RGS6: variants seen among roughly 807,000 people sequenced by gnomAD.
RGS6 encodes the protein regulator of G-protein signaling 6.
RGS6 carries 30 observed loss-of-function variants against 78.5 expected under a neutral mutation model. The ratio of observed to expected loss-of-function variants is 0.38; its 90% confidence interval spans 0.29 to 0.52. The LOEUF (loss-of-function observed/expected upper bound fraction) is 0.52, where lower values mean the gene tolerates loss of function less well. RGS6 is among the 20% of genes least tolerant of loss of function. The pLI is 0.85. For missense variants in RGS6, 495 were observed against 609.7 expected, an observed-to-expected ratio of 0.81 and a Z score of 1.98; for synonymous variants, 206 against 206.0, an observed-to-expected ratio of 1.00 and a Z score of 0.00.
chr14:72,583,943 T>C, the RGS6 span, among the ~76,000 whole-genome samples: 4 of 152,192 alleles, frequency 2.6e-5, no homozygotes, highest in Non-Finnish European at 5.9e-5. Context: ...CACCCTCTGC[T>C]AATCACCACC....
intron 2 of RGS6, among the ~76,000 whole-genome samples, chr14:72,089,930 C>T (rs952063052): frequency 1.3e-4 from 20 of 152,030 alleles, no homozygotes; most frequent in African/African-American, 4.6e-4. Flanking sequence ...AGTGGGCTGA[C>T]AGGAAGGGAG....
At chr14:72,522,457 G>T (rs369929724) in intron 15 of RGS6, among the ~76,000 whole-genome samples, 33 of 152,142 alleles carry the variant, frequency 2.2e-4, no homozygotes, top group East Asian at 7.7e-4. Context: ...CCTAAAACAG[G>T]GGTCAGTTAA....
At chr14:72,355,580 G>A (rs997976973) in intron 3 of RGS6, among the ~76,000 whole-genome samples, 6 of 152,108 alleles carry the variant, frequency 3.9e-5, no homozygotes, top group Non-Finnish European at 7.4e-5. Context: ...AGAAGTAAAT[G>A]AAACAGATAA....
chr14:71,937,462 C>G (rs2089668878), intron 1 of RGS6, among the ~76,000 whole-genome samples: 1 of 152,152 alleles, frequency 6.6e-6, no homozygotes, highest in Admixed American at 6.5e-5. Context: ...GATGCTGATT[C>G]AGAGCATACA....
At chr14:72,020,569 C>T (rs2153271955) in intron 2 of RGS6, among the ~76,000 whole-genome samples, 1 of 152,136 alleles carries the variant, frequency 6.6e-6, no homozygotes, top group South Asian at 2.1e-4. Context: ...AATTCTTCTT[C>T]TTCCTGATGA....
the RGS6 span, among the ~76,000 whole-genome samples, chr14:71,895,998 C>T: frequency 1.3e-5 from 2 of 152,006 alleles, no homozygotes; most frequent in African/African-American, 2.4e-5. Flanking sequence ...GCTGGAAGGC[C>T]AGGGAGCCCA....
At chr14:72,028,306 T>C (rs907791870) in intron 2 of RGS6, among the ~76,000 whole-genome samples, 2 of 152,216 alleles carry the variant, frequency 1.3e-5, no homozygotes, top group Admixed American at 6.5e-5. Flanking sequence ...TCTCCTTAGA[T>C]TGGCAGCTGT....
At chr14:72,465,965 C>T (rs1456328414) in intron 7 of RGS6, 143 bp downstream of exon 7, 4 of 604,714 alleles carry the variant, frequency 6.6e-6, no homozygotes, top group African/African-American at 3.8e-5. Flanking sequence ...ATTTCTCCTC[C>T]CTTGTTCTCA....
chr14:72,059,710 T>A (rs1215529763), intron 2 of RGS6, among the ~76,000 whole-genome samples: 6 of 152,172 alleles, frequency 3.9e-5, no homozygotes, highest in African/African-American at 1.4e-4. Flanking sequence ...AAGGTTAGAT[T>A]AGCTCATGAT....
chr14:72,237,631 G>A (rs1245395470), intron 2 of RGS6, among the ~76,000 whole-genome samples: 1 of 152,144 alleles, frequency 6.6e-6, no homozygotes, highest in East Asian at 1.9e-4. Flanking sequence ...TGTACTCTCT[G>A]ACTGCTTGCT....
chr14:72,412,979 T>C (rs1390515737), intron 3 of RGS6, among the ~76,000 whole-genome samples: 1 of 152,248 alleles, frequency 6.6e-6, no homozygotes, highest in Admixed American at 6.5e-5. Context: ...AGGAGTGCTT[T>C]ACTTCCAACT....
chr14:72,406,869 C>T, intron 3 of RGS6, among the ~76,000 whole-genome samples: 1 of 152,146 alleles, frequency 6.6e-6, no homozygotes, highest in South Asian at 2.1e-4. Flanking sequence ...GAAGGGTAGG[C>T]ATGGCTGCAG....
intron 2 of RGS6, among the ~76,000 whole-genome samples, chr14:72,245,474 G>T (rs1223890761): frequency 2.0e-5 from 3 of 152,200 alleles, no homozygotes; most frequent in African/African-American, 7.2e-5. Context: ...AGGAAGGGAT[G>T]GGCCAAATTA....
chr14:72,172,073 T>C (rs766910438), intron 2 of RGS6, among the ~76,000 whole-genome samples: 11 of 152,076 alleles, frequency 7.2e-5, no homozygotes, highest in Non-Finnish European at 1.2e-4. Context: ...AATATGGAAG[T>C]TTCACAAAGA....
chr14:71,912,135 G>A, the RGS6 span, among the ~76,000 whole-genome samples: 1 of 152,158 alleles, frequency 6.6e-6, no homozygotes, highest in Admixed American at 6.5e-5. Flanking sequence ...AAGAAATGCT[G>A]GTAGGTGTTA....
chr14:72,351,325 A>C (rs2239230), intron 2 of RGS6, among the ~76,000 whole-genome samples: 1 of 151,998 alleles, frequency 6.6e-6, no homozygotes, highest in South Asian at 2.1e-4. Context: ...TAAATTATTA[A>C]CTACAAATTG....
intron 12 of RGS6, among the ~76,000 whole-genome samples, chr14:72,481,745 A>C (rs2096382409): frequency 6.6e-6 from 1 of 151,850 alleles, no homozygotes; most frequent in Non-Finnish European, 1.5e-5. Context: ...TTGTCTCTGC[A>C]CACACACACA....
Position 72,135,869 on chromosome 14 carries a change from G to T in RGS6, c.84+170994G>T, listed in dbSNP as rs143107350. On this transcript the variant is annotated intron_variant, in intron 2 of 17. Transcript: ENST00000553525. ...ATCTACTGTTGAAATAGAAAAAGAGGAGGAAGAGGAGGAGGAGAGGAGGAG... is the reference window on the plus strand; with the variant it reads ...ATCTACTGTTGAAATAGAAAAAGAGTAGGAAGAGGAGGAGGAGAGGAGGAG... Among the ~76,000 whole-genome samples, 27 of 152,212 alleles carry T rather than the reference G, an allele frequency of 1.8e-4. No individual in the cohort carries two copies. In the East Asian group the frequency reaches 5.2e-3, roughly 29 times the overall value.
chr14:72,148,226 T>C (rs1301094101), intron 2 of RGS6, among the ~76,000 whole-genome samples: 1 of 151,214 alleles, frequency 6.6e-6, no homozygotes, highest in African/African-American at 2.4e-5. Context: ...AGAACCCATC[T>C]CTACAAAAAA....
Sources: gnomAD v4.1 joint callset for allele counts (sites outside exome capture counted in the v4.1 genomes callset) on GRCh38, gnomAD v4.1.1 for gene constraint, MANE v1.5 for transcripts, NCBI Gene and HGNC (gene_info 2026-07-23, HGNC 2026-07-21) for gene names.